LHFPL3: variants seen among roughly 807,000 people sequenced by gnomAD.
The protein encoded by LHFPL3 is LHFPL tetraspan subfamily member 3 protein.
In LHFPL3, 5 loss-of-function variants were observed where a neutral mutation model predicts 19.3. The ratio of observed to expected loss-of-function variants is 0.26; its 90% CI spans 0.14 to 0.54. The LOEUF is 0.54. LHFPL3 is among the 20% of genes least tolerant of loss of function. LHFPL3 has a pLI of 0.94. For missense variants in LHFPL3, 249 were observed against 307.4 expected (o/e 0.81, Z 1.42); for synonymous variants, 133 against 126.2 (o/e 1.05, Z -0.36).
chr7:104,891,038 T>G (rs913046969), intron 2 of LHFPL3, among the ~76,000 whole-genome samples: 1 of 151,924 alleles, frequency 6.6e-6, no homozygotes, highest in Non-Finnish European at 1.5e-5. Context: ...GTTGCAGCTA[T>G]GAGGACAAAT....
rs1791989883 is a variant in LHFPL3, at chr7:104,878,479, AC to A, written c.683-27707del. Among the ~76,000 whole-genome samples the A allele has an allele frequency of 2.0e-5, 3 of 152,120 alleles. No individual in the cohort carries two copies. In the South Asian group the frequency reaches 6.2e-4, roughly 32 times the overall value. ...ACTATTGTAATTGTTTTGGGGTACT[AC>A]AAACCGCACCCATATAAGATGGCAA... is the stretch of plus-strand genomic sequence containing the variant. On this transcript the variant is annotated intron_variant, in intron 2 of 2. Transcript: ENST00000424859.
intron 1 of LHFPL3, among the ~76,000 whole-genome samples, chr7:104,687,389 T>C (rs1051279233): frequency 1.3e-5 from 2 of 152,156 alleles, no homozygotes; most frequent in Non-Finnish European, 2.9e-5. Flanking sequence ...AGAGGCCTCA[T>C]TACATAGGCA....
At chr7:104,335,740 A>G (rs10245170) in intron 1 of LHFPL3, among the ~76,000 whole-genome samples, 22 of 151,772 alleles carry the variant, frequency 1.4e-4, no homozygotes, top group African/African-American at 4.8e-4. Context: ...GAAAACACCT[A>G]TTTGGTAATT....
chr7:104,511,535 A>G (rs944633122), intron 1 of LHFPL3, among the ~76,000 whole-genome samples: 1 of 152,218 alleles, frequency 6.6e-6, no homozygotes, highest in Non-Finnish European at 1.5e-5. Context: ...TGGCAGCTTC[A>G]TTCATAATAA....
chr7:104,580,421 A>C (rs866645996), intron 1 of LHFPL3, among the ~76,000 whole-genome samples: 6 of 152,160 alleles, frequency 3.9e-5, no homozygotes, highest in Non-Finnish European at 7.4e-5. Context: ...AATTGTTGAC[A>C]AATTTGTGCT....
At chr7:104,337,231 G>T (rs1789828758) in intron 1 of LHFPL3, among the ~76,000 whole-genome samples, 1 of 152,138 alleles carries the variant, frequency 6.6e-6, no homozygotes, top group Non-Finnish European at 1.5e-5. Flanking sequence ...CAGCTGTGAA[G>T]AATGGCAGGT....
At chr7:104,614,632 T>C (rs1314486346) in intron 1 of LHFPL3, among the ~76,000 whole-genome samples, 1 of 143,070 alleles carries the variant, frequency 7.0e-6, no homozygotes, top group South Asian at 2.4e-4. Flanking sequence ...TCTTCTCTTC[T>C]CTTCTCTTCT....
chr7:104,700,060 G>A (rs1358737928), intron 1 of LHFPL3, among the ~76,000 whole-genome samples: 2 of 152,060 alleles, frequency 1.3e-5, no homozygotes, highest in African/African-American at 4.8e-5. Flanking sequence ...TTTACCCTTT[G>A]TTTCAGTGAC....
At chr7:104,865,068 C>G (rs1251634552) in intron 2 of LHFPL3, among the ~76,000 whole-genome samples, 1 of 152,106 alleles carries the variant, frequency 6.6e-6, no homozygotes, top group Non-Finnish European at 1.5e-5. Context: ...ACAAAAACCC[C>G]ATCTGTACAT....
intron 2 of LHFPL3, 127 bp downstream of exon 2, chr7:104,737,038 G>C: frequency 1.5e-6 from 1 of 669,384 alleles, no homozygotes; most frequent in Non-Finnish European, 2.6e-6. Context: ...TTAATACCGT[G>C]TAGCTTGCAG....
At chr7:104,648,813 C>A (rs1791976331) in intron 1 of LHFPL3, among the ~76,000 whole-genome samples, 1 of 152,164 alleles carries the variant, frequency 6.6e-6, no homozygotes. Flanking sequence ...CAGATTAAGC[C>A]CAGGTCATCT....
chr7:104,328,889 G>T lies in LHFPL3; in HGVS notation c.110G>T (p.Gly37Val). The change falls in exon 1 of 3, where the codon GGC (glycine) becomes GTC (valine). Residue 37 changes from glycine (G) to valine (V), a missense_variant. Physicochemically the swap from Gly to Val is moderately radical, Grantham distance 109. Coordinates refer to ENST00000424859, the MANE Select transcript of LHFPL3 (RefSeq NM_199000.3). This position sits in a 1 kb window ranked among gnomAD's most constrained non-coding sequence, Gnocchi z 4.6. ...TNYVRNSRAI[G>V]VLWAIFTICF... ...TATGTGCGGAACTCGCGGGCCATCG[G>T]CGTGCTGTGGGCCATCTTCACCATC... 3.1e-6 allele frequency: 5 copies of T among 1,614,192 alleles called. No homozygotes were observed. Among genetic ancestry groups the T allele is most frequent in the Non-Finnish European group, 4.2e-6 (5 of 1,180,036 alleles).
At chr7:104,817,723 T>C (rs1790589829) in intron 2 of LHFPL3, among the ~76,000 whole-genome samples, 1 of 152,092 alleles carries the variant, frequency 6.6e-6, no homozygotes, top group Non-Finnish European at 1.5e-5. Context: ...CCTCAGACAG[T>C]ACTACTTCAC....
chr7:104,778,554 A>T (rs1794669555), intron 2 of LHFPL3, among the ~76,000 whole-genome samples: 1 of 152,214 alleles, frequency 6.6e-6, no homozygotes, highest in South Asian at 2.1e-4. Context: ...TCCAGCAACC[A>T]TGTGTACCTG....
intron 1 of LHFPL3, among the ~76,000 whole-genome samples, chr7:104,388,546 G>A (rs922188194): frequency 1.4e-4 from 21 of 152,114 alleles, no homozygotes; most frequent in Non-Finnish European, 2.9e-5. Flanking sequence ...CTTACTCTAT[G>A]AGACTAGTAT....
At chr7:104,709,962 C>T (rs1442320348) in intron 1 of LHFPL3, among the ~76,000 whole-genome samples, 1 of 152,146 alleles carries the variant, frequency 6.6e-6, no homozygotes, top group East Asian at 1.9e-4. Flanking sequence ...TTTGGGAGGC[C>T]AAGGCAGGCG....
At chr7:104,688,261 C>T (rs1792842721) in intron 1 of LHFPL3, among the ~76,000 whole-genome samples, 1 of 152,168 alleles carries the variant, frequency 6.6e-6, no homozygotes, top group Non-Finnish European at 1.5e-5. Context: ...ACTCCTGGCT[C>T]TGGAAGCACA....
intron 1 of LHFPL3, among the ~76,000 whole-genome samples, chr7:104,551,851 T>G (rs1794667449): frequency 6.6e-6 from 1 of 152,206 alleles, no homozygotes; most frequent in Non-Finnish European, 1.5e-5. Context: ...AAGCACAATC[T>G]ACAAGAGGAG....
Position 104,399,946 on chromosome 7 carries a change from A to C in LHFPL3, c.445+70722A>C, listed in dbSNP as rs948056483. Among the ~76,000 whole-genome samples the C allele has an allele frequency of 6.6e-6, 1 of 151,326 alleles. No individual in the cohort carries two copies. The highest frequency in any genetic ancestry group is 1.5e-5 in the Non-Finnish European group (1 of 67,826). ...TGGTTAAACCCTGTCTCTACTAAAA[A>C]TACAAAAATTAGCTGGGCATGGTGG... On this transcript the variant is annotated intron_variant, in intron 1 of 2. Coordinates refer to ENST00000424859, the MANE Select transcript of LHFPL3 (RefSeq NM_199000.3). The surrounding 1 kb of genome is among the most constrained non-coding windows in gnomAD (Gnocchi z 4.4).
Sources: gnomAD v4.1 joint callset for allele counts (sites outside exome capture counted in the v4.1 genomes callset) on GRCh38, gnomAD v4.1.1 for gene constraint, Gnocchi (gnomAD v3.1) non-coding constraint, MANE v1.5 for transcripts, NCBI Gene and HGNC (gene_info 2026-07-23, HGNC 2026-07-21) for gene names.